PLXDC1: variants seen among roughly 807,000 people sequenced by gnomAD.
PLXDC1 encodes the protein plexin domain-containing protein 1.
In PLXDC1, 39 loss-of-function variants were observed where a neutral mutation model predicts 61.3. The ratio of observed to expected loss-of-function variants is 0.64; its 90% CI spans 0.49 to 0.83. PLXDC1 has a LOEUF of 0.83. Ranked by LOEUF, PLXDC1 falls within the 40% of genes least tolerant of loss-of-function variation. The pLI is 0.00. For missense variants in PLXDC1, 596 were observed against 666.5 expected, an observed-to-expected ratio of 0.89 and a Z score of 1.17; for synonymous variants, 212 against 254.5, an observed-to-expected ratio of 0.83 and a Z score of 1.59.
intron 1 of PLXDC1, among the ~76,000 whole-genome samples, chr17:39,140,491 G>C (rs1008146841): frequency 2.0e-5 from 3 of 152,178 alleles, no homozygotes; most frequent in Non-Finnish European, 2.9e-5. Flanking sequence ...ATTTTTAATA[G>C]AGACGAGGTT....
At position 39,095,389 on chromosome 17, in the gene PLXDC1, A is replaced by ACCCCCCCC. The variant is rs1567759313; in HGVS notation, c.812-7688_812-7687insGGGGGGGG. On this transcript the variant is annotated intron_variant, in intron 7 of 13. Coordinates refer to ENST00000315392, the MANE Select transcript of PLXDC1 (RefSeq NM_020405.5). The stretch of plus-strand genomic sequence containing the variant: ...CCCGCCCCCCCCCCCCAACCCCCCA[A>ACCCCCCCC]GCCTGGGTTATTTGTTTTGGATTGT... 6.2e-3 allele frequency among the ~76,000 whole-genome samples: 35 copies of ACCCCCCCC among 5,606 alleles called. 5 individuals carry two copies. The highest frequency in any genetic ancestry group is 8.1e-3 in the Non-Finnish European group (21 of 2,608). 3.7% of individuals were successfully genotyped at this position (5,606 alleles called of 152,430 possible). A position where few individuals can be genotyped will look rare whatever the true frequency, so the allele number is the denominator to read the frequency against.
chr17:39,075,888 G>A (rs1161299364), intron 11 of PLXDC1, among the ~76,000 whole-genome samples: 1 of 152,092 alleles, frequency 6.6e-6, no homozygotes, highest in African/African-American at 2.4e-5. Context: ...GACCAGCCTG[G>A]CCAACATGGC....
intron 2 of PLXDC1, among the ~76,000 whole-genome samples, chr17:39,114,673 C>T (rs997993216): frequency 6.6e-6 from 1 of 152,208 alleles, no homozygotes; most frequent in African/African-American, 2.4e-5. Flanking sequence ...GGTACCACTA[C>T]ATATTCTGAA....
intron 8 of PLXDC1, among the ~76,000 whole-genome samples, chr17:39,085,779 A>G (rs1212686347): frequency 1.3e-5 from 2 of 152,156 alleles, no homozygotes. Context: ...GCCAGGGGAT[A>G]CAGAGAGTTT....
At chr17:39,122,731 G>A (rs559135596) in intron 2 of PLXDC1, among the ~76,000 whole-genome samples, 13 of 152,338 alleles carry the variant, frequency 8.5e-5, no homozygotes, top group African/African-American at 2.9e-4. Flanking sequence ...CACGAGCCAC[G>A]CCGCTTGGCA....
intron 7 of PLXDC1, among the ~76,000 whole-genome samples, chr17:39,089,192 C>T (rs1392993298): frequency 6.6e-6 from 1 of 152,202 alleles, no homozygotes; most frequent in Non-Finnish European, 1.5e-5. Flanking sequence ...CTGTGCCTGG[C>T]CCATTCCTAC....
chr17:39,130,555 GTTTAT>G (rs1911525306), intron 2 of PLXDC1, among the ~76,000 whole-genome samples: 1 of 152,026 alleles, frequency 6.6e-6, no homozygotes, highest in Admixed American at 6.6e-5. Context: ...CTTTAAAATG[GTTTAT>G]TTTATTTTAC....
upstream of PLXDC1, chr17:39,152,782 AAAG>A: frequency 5.0e-5 from 41 of 814,536 alleles, no homozygotes; most frequent in East Asian, 2.0e-4. Flanking sequence ...AAAAAAAAAA[AAAG>A]AAAAGAAAAG....
intron 1 of PLXDC1, among the ~76,000 whole-genome samples, chr17:39,142,085 C>A (rs1321847717): frequency 2.0e-5 from 3 of 152,112 alleles, no homozygotes; most frequent in Admixed American, 6.6e-5. Context: ...CAGCCTTGGC[C>A]CCTGCTCACT....
intron 2 of PLXDC1, among the ~76,000 whole-genome samples, chr17:39,135,056 T>C (rs551918007): frequency 6.6e-6 from 1 of 152,374 alleles, no homozygotes; most frequent in African/African-American, 2.4e-5. Context: ...TAAACTTAAA[T>C]GCCAGGATTT....
At chr17:39,134,214 A>G (rs1349199045) in intron 2 of PLXDC1, among the ~76,000 whole-genome samples, 1 of 151,636 alleles carries the variant, frequency 6.6e-6, no homozygotes, top group Non-Finnish European at 1.5e-5. Context: ...AGATCGTGCC[A>G]CTGCACTACA....
intron 7 of PLXDC1, chr17:39,096,926 A>T (rs759336704): frequency 2.1e-6 from 1 of 471,322 alleles, no homozygotes. Flanking sequence ...CTAATTGCAC[A>T]TGACTTTTCT....
At chr17:39,081,233 C>G (rs1315284394) in intron 9 of PLXDC1, 1 of 152,620 alleles carries the variant, frequency 6.6e-6, no homozygotes, top group Non-Finnish European at 1.5e-5. Context: ...CAACGCTCTG[C>G]TCCAGGAAGA....
At chr17:39,145,332 G>A (rs1325980508) in intron 1 of PLXDC1, among the ~76,000 whole-genome samples, 4 of 152,206 alleles carry the variant, frequency 2.6e-5, no homozygotes, top group Admixed American at 2.6e-4. Flanking sequence ...TCAGGGCAAG[G>A]GGGAATGGGG....
chr17:39,106,091 A>G, intron 6 of PLXDC1, 138 bp from the exon 7 acceptor site: 2 of 557,016 alleles, frequency 3.6e-6, no homozygotes, highest in East Asian at 3.1e-5. Flanking sequence ...GCCCAGTGGG[A>G]CCCCACCCAA....
chr17:39,139,846 A>G lies in PLXDC1; in HGVS notation c.77-14T>C. 3 of 1,585,464 alleles carry G rather than the reference A, an allele frequency of 1.9e-6. No homozygotes were observed. The highest frequency in any genetic ancestry group is 2.6e-6 in the Non-Finnish European group (3 of 1,162,812). ...CCTCATCGTGACCTGGGAGAAGGGG[A>G]CAGAAACCTGAGTGCCAGCAGTCCG... On this transcript the variant is annotated splice_polypyrimidine_tract_variant and intron_variant, in intron 1 of 13. Transcript: ENST00000315392.
At position 39,087,721 on chromosome 17, in the gene PLXDC1, C is replaced by T. The variant is rs1352305720; in HGVS notation, c.812-19G>A. On this transcript the variant is annotated intron_variant, in intron 7 of 13. Transcript: ENST00000315392. ...CGAGATTCTGAAACAGAGGCAGAGC[C>T]TGTTGTCAGGAGCATATCACAGGCA... 1 of 1,586,696 alleles carries T rather than the reference C, an allele frequency of 6.3e-7. No individual in the cohort carries two copies.
intron 11 of PLXDC1, among the ~76,000 whole-genome samples, chr17:39,072,886 C>T (rs955739153): frequency 6.6e-6 from 1 of 152,160 alleles, no homozygotes; most frequent in Non-Finnish European, 1.5e-5. Context: ...GTCTATACCT[C>T]GAGGCCTGTA....
intron 1 of PLXDC1, among the ~76,000 whole-genome samples, chr17:39,141,538 CA>C (rs1373126042): frequency 2.0e-5 from 3 of 152,212 alleles, no homozygotes; most frequent in Admixed American, 6.5e-5. Flanking sequence ...ACTCAACTAT[CA>C]ATGGATGTCT....
Sources: allele counts gnomAD v4.1 joint callset (sites outside exome capture counted in the v4.1 genomes callset), GRCh38; gene constraint gnomAD v4.1.1; transcripts MANE v1.5; gene names NCBI Gene and HGNC (gene_info 2026-07-23, HGNC 2026-07-21).